Variants in BCKDHB observed in about 807,000 individuals in gnomAD.
BCKDHB encodes the protein 2-oxoisovalerate dehydrogenase subunit beta, mitochondrial.
Under a neutral mutation model 48.5 loss-of-function variants are expected in BCKDHB, and 41 were observed. That is an observed-to-expected ratio of 0.85 (90% CI 0.66 to 1.10). The LOEUF is 1.10. Among genes scored for constraint, BCKDHB ranks in the 50% least tolerant of loss-of-function variants. The probability of loss-of-function intolerance (pLI) is 0.00; values close to 1 mark genes in which losing one functional copy is unlikely to be tolerated. For synonymous variants in BCKDHB, 201 were observed against 174.8 expected, an observed-to-expected ratio of 1.15 and a Z score of -1.18; for missense variants, 496 against 494.2, an observed-to-expected ratio of 1.00 and a Z score of -0.03.
rs187718185 is a variant in BCKDHB, at chr6:80,175,821, A to C, written c.742+4431A>C. 7.2e-5 allele frequency among the ~76,000 whole-genome samples: 11 copies of C among 152,370 alleles called. No individual in the cohort carries two copies. In the East Asian group the frequency reaches 2.1e-3, roughly 29 times the overall value. On this transcript the variant is annotated intron_variant, in intron 6 of 9. Coordinates refer to ENST00000320393, the MANE Select transcript of BCKDHB (RefSeq NM_183050.4). ...ATAAGAAATATATTCTAAGCATCTGACCATTTGCAGCTGTAAAAACTAGTT... is the reference window on the plus strand; with the variant it reads ...ATAAGAAATATATTCTAAGCATCTGCCCATTTGCAGCTGTAAAAACTAGTT...
the BCKDHB span, among the ~76,000 whole-genome samples, chr6:80,444,712 C>A: frequency 6.6e-6 from 1 of 152,156 alleles, no homozygotes; most frequent in East Asian, 1.9e-4. Flanking sequence ...CATTTACAAA[C>A]AATTTTTAAA....
intron 9 of BCKDHB, among the ~76,000 whole-genome samples, chr6:80,316,415 G>C (rs897179485): frequency 2.3e-4 from 34 of 150,226 alleles, no homozygotes; most frequent in Non-Finnish European, 2.4e-4. Flanking sequence ...CTTTTGCATC[G>C]ACTTTATTTC....
At chr6:80,222,270 A>G (rs998690989) in intron 8 of BCKDHB, among the ~76,000 whole-genome samples, 24 of 152,196 alleles carry the variant, frequency 1.6e-4, no homozygotes, top group African/African-American at 5.5e-4. Context: ...CTAATTTTAT[A>G]TGACAAAGCT....
At chr6:80,271,849 T>TG (rs1488243839) in intron 8 of BCKDHB, among the ~76,000 whole-genome samples, 3 of 32,618 alleles carry the variant, frequency 9.2e-5, no homozygotes, top group Non-Finnish European at 2.1e-4. Context: ...GATTGTCAAA[T>TG]CTTTTTTTTT....
the BCKDHB span, among the ~76,000 whole-genome samples, chr6:80,460,602 A>C: frequency 2.0e-5 from 3 of 152,158 alleles, no homozygotes; most frequent in South Asian, 2.1e-4. Flanking sequence ...TCCTCAAAAC[A>C]TTGAAGTTGA....
the BCKDHB span, among the ~76,000 whole-genome samples, chr6:80,445,596 T>C: frequency 6.6e-6 from 1 of 152,152 alleles, no homozygotes; most frequent in Non-Finnish European, 1.5e-5. Context: ...ATAGAATGCG[T>C]AACCTGGTGT....
chr6:80,173,008 G>T (rs1366833675), intron 6 of BCKDHB, among the ~76,000 whole-genome samples: 2 of 152,084 alleles, frequency 1.3e-5, no homozygotes, highest in African/African-American at 4.8e-5. Context: ...TGGATATCCT[G>T]TGGCTATTAT....
chr6:80,109,949 C>T (rs1341334426), intron 1 of BCKDHB, among the ~76,000 whole-genome samples: 1 of 152,174 alleles, frequency 6.6e-6, no homozygotes, highest in Non-Finnish European at 1.5e-5. Context: ...CAAAGCCTCC[C>T]ACACTACTTA....
the BCKDHB span, among the ~76,000 whole-genome samples, chr6:80,441,883 G>A: frequency 6.6e-6 from 1 of 152,130 alleles, no homozygotes; most frequent in Non-Finnish European, 1.5e-5. Context: ...GGCATTTACA[G>A]TGGAATAGGA....
intron 9 of BCKDHB, among the ~76,000 whole-genome samples, chr6:80,313,392 G>T (rs934897983): frequency 6.6e-6 from 1 of 151,864 alleles, no homozygotes; most frequent in African/African-American, 2.4e-5. Flanking sequence ...ATGGAGTCTC[G>T]CTTTGTCACC....
chr6:80,186,157 A>G (rs1342822842), intron 6 of BCKDHB, among the ~76,000 whole-genome samples: 4 of 152,108 alleles, frequency 2.6e-5, no homozygotes, highest in African/African-American at 4.8e-5. Flanking sequence ...GGGGCTTTAG[A>G]GTTCTCAAGG....
the BCKDHB span, among the ~76,000 whole-genome samples, chr6:80,462,574 G>A: frequency 6.6e-6 from 1 of 152,184 alleles, no homozygotes; most frequent in Non-Finnish European, 1.5e-5. Flanking sequence ...ACTGGGCCCT[G>A]AAAGCACATA....
chr6:80,121,197 C>A (rs1769998942), intron 1 of BCKDHB, among the ~76,000 whole-genome samples: 1 of 151,966 alleles, frequency 6.6e-6, no homozygotes. Context: ...ATTTTTGAGG[C>A]CTCTGTTCTG....
intron 8 of BCKDHB, among the ~76,000 whole-genome samples, chr6:80,265,201 G>T (rs1046999935): frequency 5.3e-5 from 8 of 151,810 alleles, no homozygotes; most frequent in Non-Finnish European, 8.8e-5. Flanking sequence ...TCCACTTCTG[G>T]GTATATATAC....
At chr6:80,117,275 G>A (rs879939212) in intron 1 of BCKDHB, among the ~76,000 whole-genome samples, 3 of 152,072 alleles carry the variant, frequency 2.0e-5, no homozygotes, top group East Asian at 3.8e-4. Flanking sequence ...TATACAAGAC[G>A]AATAGATTCT....
chr6:80,163,476 C>A (rs1031913946), intron 3 of BCKDHB, among the ~76,000 whole-genome samples: 2 of 152,136 alleles, frequency 1.3e-5, no homozygotes, highest in Non-Finnish European at 2.9e-5. Context: ...CATTCTCCTC[C>A]TGGTTTTCCT....
the BCKDHB span, among the ~76,000 whole-genome samples, chr6:80,454,519 G>T: frequency 6.6e-6 from 1 of 152,130 alleles, no homozygotes; most frequent in Non-Finnish European, 1.5e-5. Context: ...TGAAGCTGTG[G>T]GATTCTCAGG....
intron 8 of BCKDHB, among the ~76,000 whole-genome samples, chr6:80,220,351 A>T (rs1448795811): frequency 1.1e-4 from 4 of 34,972 alleles, no homozygotes; most frequent in Non-Finnish European, 2.5e-4. Flanking sequence ...TGTTACGGGT[A>T]TATACATTTT....
At chr6:80,364,134 T>C in the BCKDHB span, among the ~76,000 whole-genome samples, 2 of 152,252 alleles carry the variant, frequency 1.3e-5, 1 homozygote, top group Non-Finnish European at 2.9e-5. Flanking sequence ...TCTTTTTAAA[T>C]TCATGTGTGT....
Sources: gnomAD v4.1 joint callset for allele counts (sites outside exome capture counted in the v4.1 genomes callset) on GRCh38, gnomAD v4.1.1 for gene constraint, MANE v1.5 for transcripts, NCBI Gene and HGNC (gene_info 2026-07-23, HGNC 2026-07-21) for gene names.